Variants in ARFGEF2 observed in about 807,000 individuals in gnomAD.
ARFGEF2 encodes ARF guanine nucleotide exchange factor 2, also known as brefeldin A-inhibited guanine nucleotide-exchange protein 2.
In ARFGEF2, 74 loss-of-function variants were observed where a neutral mutation model predicts 219.9. That is an observed-to-expected ratio of 0.34 (90% CI 0.28 to 0.41). ARFGEF2 has a LOEUF of 0.41. ARFGEF2 is among the 10% of genes least tolerant of loss of function. The pLI, the probability that ARFGEF2 is intolerant of heterozygous loss-of-function variation, is 1.00. For missense variants in ARFGEF2, 1,743 were observed against 2,218.3 expected (o/e 0.79, Z 4.30); for synonymous variants, 733 against 799.2 (o/e 0.92, Z 1.40).
At chr20:48,958,103 G>A (rs2091116165) in intron 6 of ARFGEF2, among the ~76,000 whole-genome samples, 1 of 152,126 alleles carries the variant, frequency 6.6e-6, no homozygotes, top group Non-Finnish European at 1.5e-5. Flanking sequence ...TAGTCTGCAG[G>A]GCCAGGCGGG....
chr20:48,961,296 T>G (rs2091149097), intron 6 of ARFGEF2, among the ~76,000 whole-genome samples: 1 of 152,004 alleles, frequency 6.6e-6, no homozygotes, highest in African/African-American at 2.4e-5. Flanking sequence ...TCTTAAATTT[T>G]TAGGTTTTTA....
At chr20:49,023,693 C>T (rs1002666503) in intron 35 of ARFGEF2, among the ~76,000 whole-genome samples, 2 of 151,580 alleles carry the variant, frequency 1.3e-5, no homozygotes, top group Non-Finnish European at 2.9e-5. Flanking sequence ...CGCCCGCTAC[C>T]ACGCCCGGCT....
intron 1 of ARFGEF2, among the ~76,000 whole-genome samples, chr20:48,935,555 C>T (rs1178458304): frequency 1.3e-5 from 2 of 152,242 alleles, no homozygotes; most frequent in Non-Finnish European, 2.9e-5. Context: ...TCCCCCCTTT[C>T]TATTCCACAA....
At chr20:48,924,338 C>T (rs2090862531) in intron 1 of ARFGEF2, among the ~76,000 whole-genome samples, 1 of 151,838 alleles carries the variant, frequency 6.6e-6, no homozygotes, top group Non-Finnish European at 1.5e-5. Context: ...TGAAACCCCG[C>T]CTCTACTAAA....
At chr20:49,029,839 G>A (rs1241225207) in intron 37 of ARFGEF2, among the ~76,000 whole-genome samples, 1 of 150,226 alleles carries the variant, frequency 6.7e-6, no homozygotes, top group Non-Finnish European at 1.5e-5. Flanking sequence ...GTGATCTGCC[G>A]ACCTCCGCCT....
In ARFGEF2 at chr20:49,000,172, G is replaced by A. The variant is rs572932857; in HGVS notation, c.3432+1667G>A. Among the ~76,000 whole-genome samples the A allele has an allele frequency of 3.3e-5, 5 of 152,318 alleles. No individual in the cohort carries two copies. In the South Asian group the frequency reaches 1.0e-3, roughly 32 times the overall value. On this transcript the variant is annotated intron_variant, in intron 25 of 38. Transcript: ENST00000371917. ...TACTCCACCACTCCCCTGAAATGAA[G>A]CATTGTCATATGTAGGCTTGCTTCT...
At position 48,963,861 on chromosome 20, in the gene ARFGEF2, G is replaced by C; in HGVS notation, c.870G>C (p.Lys290Asn). ...ATGACGGAGCCCAGGAGGTGGTGAA[G>C]GACATCTTGGAAGATGTAGTCACAT... is the stretch of plus-strand genomic sequence containing the variant. ...GTDDGAQEVV[K>N]DILEDVVTSA... Residue 290 changes from lysine (K) to asparagine (N), a missense_variant, in exon 7 of 39, where the codon AAG (lysine) becomes AAC (asparagine). Around this residue, in one of 5 missense-constraint regions of ARFGEF2, gnomAD observed 394 missense variants for 426.6 expected, o/e 0.92. Coordinates refer to ENST00000371917, the MANE Select transcript of ARFGEF2 (RefSeq NM_006420.3). The C allele has an allele frequency of 6.2e-7, 1 of 1,614,042 alleles. No individual in the cohort carries two copies. Among genetic ancestry groups the C allele is most frequent in the Non-Finnish European group, 8.5e-7 (1 of 1,179,978 alleles).
intron 30 of ARFGEF2, among the ~76,000 whole-genome samples, chr20:49,014,917 A>G (rs555318035): frequency 6.6e-6 from 1 of 152,330 alleles, no homozygotes; most frequent in Admixed American, 6.5e-5. Context: ...GCGGTTTTTC[A>G]TAGGCAGCCA....
chr20:49,016,857 G>T (rs2091534129), intron 31 of ARFGEF2, among the ~76,000 whole-genome samples: 1 of 151,932 alleles, frequency 6.6e-6, no homozygotes, highest in African/African-American at 2.4e-5. Context: ...TTACATTTTT[G>T]AAAAAGTGAC....
intron 4 of ARFGEF2, among the ~76,000 whole-genome samples, chr20:48,952,082 A>G (rs1295664706): frequency 1.3e-5 from 2 of 151,500 alleles, no homozygotes; most frequent in Non-Finnish European, 2.9e-5. Context: ...GTTATATGTC[A>G]TGAGATAATT....
chr20:48,946,971 A>AT (rs976195065), intron 3 of ARFGEF2, among the ~76,000 whole-genome samples: 16 of 151,150 alleles, frequency 1.1e-4, no homozygotes, highest in Non-Finnish European at 4.4e-5. Context: ...CCAGCTAGTT[A>AT]TTTTTTTTAC....
At chr20:48,989,534 T>C (rs767230018) in intron 19 of ARFGEF2, 22 bp from the exon 20 acceptor site, 10 of 1,614,136 alleles carry the variant, frequency 6.2e-6, no homozygotes, top group Non-Finnish European at 8.5e-6. Context: ...TGGATGTTAT[T>C]GAAATCTTCC....
chr20:49,025,586 T>A, intron 36 of ARFGEF2, 105 bp downstream of exon 36: 1 of 1,268,416 alleles, frequency 7.9e-7, no homozygotes, highest in Non-Finnish European at 1.1e-6. Flanking sequence ...TAGAATAACT[T>A]AACAGATATT....
At chr20:48,987,835 T>G (rs1198352979) in intron 16 of ARFGEF2, among the ~76,000 whole-genome samples, 2 of 152,240 alleles carry the variant, frequency 1.3e-5, no homozygotes, top group African/African-American at 4.8e-5. Flanking sequence ...TCACCCAGGC[T>G]GGAGTGCAGT....
chr20:48,995,622 A>G (rs2091381096), intron 22 of ARFGEF2, among the ~76,000 whole-genome samples, 161 bp from the exon 23 acceptor site: 1 of 152,250 alleles, frequency 6.6e-6, no homozygotes, highest in Non-Finnish European at 1.5e-5. Flanking sequence ...TGCCAAAACA[A>G]AACTTTAATT....
At chr20:48,984,975 G>T (rs1448032362) in intron 15 of ARFGEF2, 135 bp downstream of exon 15, 1 of 1,494,314 alleles carries the variant, frequency 6.7e-7, no homozygotes, top group East Asian at 2.4e-5. Context: ...ATTGTCTATT[G>T]TCCACCCCCG....
Position 49,025,437 on chromosome 20 carries a change from C to A in ARFGEF2, c.4880C>A (p.Ala1627Asp), listed in dbSNP as rs1428678483. 5 of 1,614,124 alleles carry A rather than the reference C, an allele frequency of 3.1e-6. No individual in the cohort carries two copies. The highest frequency in any genetic ancestry group is 1.7e-5 in the Admixed American group (1 of 60,020). Residue 1627 changes from alanine (A) to aspartate (D), a missense_variant, in exon 36 of 39, where the codon GCC becomes GAC. Coordinates refer to ENST00000371917, the MANE Select transcript of ARFGEF2 (RefSeq NM_006420.3). Reference protein sequence around the residue: ...CLQESHSFSKAFNSNYEQRTV... With the variant: ...CLQESHSFSKDFNSNYEQRTV... ...CAGGAATCCCATTCATTCTCAAAGG[C>A]CTTCAACTCCAATTACGAGCAGCGG...
chr20:48,955,334 C>A (rs2091099261), intron 6 of ARFGEF2, among the ~76,000 whole-genome samples: 1 of 152,174 alleles, frequency 6.6e-6, no homozygotes, highest in African/African-American at 2.4e-5. Flanking sequence ...AGAGAGGCTT[C>A]TCTGATCAAC....
At chr20:48,946,734 T>C (rs539519911) in intron 3 of ARFGEF2, among the ~76,000 whole-genome samples, 8 of 152,190 alleles carry the variant, frequency 5.3e-5, no homozygotes, top group Admixed American at 4.6e-4. Context: ...CCTGAACTCC[T>C]GAGCTTAAGC....
Sources: allele counts gnomAD v4.1 joint callset (sites outside exome capture counted in the v4.1 genomes callset), GRCh38; gene constraint gnomAD v4.1.1; regional missense constraint gnomAD v4.1.1; transcripts MANE v1.5; gene names NCBI Gene and HGNC (gene_info 2026-07-23, HGNC 2026-07-21).